The following ATXN1 variants were observed in gnomAD, a reference collection of about 807,000 sequenced individuals.
ATXN1 encodes the protein ataxin-1.
Under a neutral mutation model 56.4 loss-of-function variants are expected in ATXN1, and 8 were observed. That is an observed-to-expected ratio of 0.14 (90% CI 0.08 to 0.26). The LOEUF (loss-of-function observed/expected upper bound fraction) is 0.26, where lower values mean the gene tolerates loss of function less well. Ranked by LOEUF, ATXN1 falls within the 10% of genes least tolerant of loss-of-function variation. The pLI is 1.00. For synonymous variants in ATXN1, 514 were observed against 494.6 expected, an observed-to-expected ratio of 1.04 and a Z score of -0.52; for missense variants, 987 against 1,106.5, an observed-to-expected ratio of 0.89 and a Z score of 1.53.
chr6:16,427,576 C>T (rs1759183945), intron 6 of ATXN1, among the ~76,000 whole-genome samples: 2 of 152,194 alleles, frequency 1.3e-5, no homozygotes, highest in Admixed American at 1.3e-4. Flanking sequence ...TTTTTCCACA[C>T]TTTCATTTGC....
intron 2 of ATXN1, among the ~76,000 whole-genome samples, chr6:16,698,726 A>C (rs918187548): frequency 2.0e-5 from 3 of 151,752 alleles, no homozygotes; most frequent in East Asian, 3.9e-4. Context: ...TTAAATTAGG[A>C]GTCTGGAGTC....
chr6:16,716,129 G>A (rs565811646), intron 2 of ATXN1, among the ~76,000 whole-genome samples: 1 of 152,292 alleles, frequency 6.6e-6, no homozygotes, highest in African/African-American at 2.4e-5. Context: ...ACACACTACA[G>A]ATAAAATGAC....
At chr6:16,350,569 A>G (rs370528464) in intron 6 of ATXN1, among the ~76,000 whole-genome samples, 1 of 152,172 alleles carries the variant, frequency 6.6e-6, no homozygotes, top group Non-Finnish European at 1.5e-5. Flanking sequence ...GTCTTTCTTC[A>G]AAATGTCTCA....
rs574652619 is a variant in ATXN1 at position 16,640,925 on chromosome 6, A to G, written c.-489+16851T>C. ...TAAGGAAAAGTTCTTGAAGAAAATTAAAAGTGCTACTCCAGTGAACTCATC... is the reference window on the plus strand; with the variant it reads ...TAAGGAAAAGTTCTTGAAGAAAATTGAAAGTGCTACTCCAGTGAACTCATC... On this transcript the variant is annotated intron_variant, in intron 3 of 7. Coordinates refer to ENST00000436367, the MANE Select transcript of ATXN1 (RefSeq NM_001128164.2). 2.6e-5 allele frequency among the ~76,000 whole-genome samples: 4 copies of G among 152,236 alleles called. No individual in the cohort carries two copies. In the South Asian group the frequency reaches 6.2e-4, roughly 24 times the overall value.
chr6:16,447,094 C>T (rs1759651227), intron 6 of ATXN1, among the ~76,000 whole-genome samples: 1 of 152,182 alleles, frequency 6.6e-6, no homozygotes, highest in Non-Finnish European at 1.5e-5. Context: ...TAGTGCTTAT[C>T]ACTAGAAGCC....
At chr6:16,673,284 A>G (rs1758586118) in intron 2 of ATXN1, among the ~76,000 whole-genome samples, 1 of 152,242 alleles carries the variant, frequency 6.6e-6, no homozygotes, top group Admixed American at 6.5e-5. Context: ...CACAAAGGCC[A>G]TGGCCCAGCC....
intron 7 of ATXN1, among the ~76,000 whole-genome samples, chr6:16,316,001 G>C (rs899745663): frequency 6.6e-6 from 1 of 152,126 alleles, no homozygotes; most frequent in African/African-American, 2.4e-5. Context: ...CTTTATACCA[G>C]GGATCCCCAA....
At chr6:16,719,623 T>C (rs1759707148) in intron 2 of ATXN1, among the ~76,000 whole-genome samples, 1 of 152,116 alleles carries the variant, frequency 6.6e-6, no homozygotes, top group African/African-American at 2.4e-5. Context: ...CCATGACAGC[T>C]GAGATAGGCT....
At chr6:16,459,854 G>A (rs1759954596) in intron 6 of ATXN1, among the ~76,000 whole-genome samples, 1 of 152,180 alleles carries the variant, frequency 6.6e-6, no homozygotes, top group Non-Finnish European at 1.5e-5. Flanking sequence ...CTTCATGCCA[G>A]CAGGCTACTC....
chr6:16,430,372 G>A (rs932772970), intron 6 of ATXN1, among the ~76,000 whole-genome samples: 9 of 151,946 alleles, frequency 5.9e-5, no homozygotes, highest in Non-Finnish European at 1.2e-4. Flanking sequence ...AAAGAACACC[G>A]TACTGCGACC....
intron 6 of ATXN1, among the ~76,000 whole-genome samples, chr6:16,381,544 T>G (rs1758115433): frequency 6.6e-6 from 1 of 152,212 alleles, no homozygotes; most frequent in Non-Finnish European, 1.5e-5. Context: ...TGGAAAAATA[T>G]TACAGGCATA....
chr6:16,651,988 T>C lies in ATXN1; in HGVS notation c.-489+5788A>G, dbSNP rs185332306. ...TGTCACTAAAGAAGGGGACCTACCA[T>C]GTAAATCAGCATCTGTTTTGATGAT... On this transcript the variant is annotated intron_variant, in intron 3 of 7. Transcript: ENST00000436367. 29 of 152,366 alleles carry C rather than the reference T, an allele frequency of 1.9e-4. 1 individual carries two copies. The highest frequency in any genetic ancestry group is 7.0e-4 in the African/African-American group (29 of 41,594). The allele number at this position is 152,366 out of a possible 1,614,324, so 9.4% of individuals were successfully genotyped here. A position where few individuals can be genotyped will look rare whatever the true frequency, so the allele number is the denominator to read the frequency against.
At chr6:16,663,964 C>G (rs1458552295) in intron 2 of ATXN1, among the ~76,000 whole-genome samples, 1 of 152,166 alleles carries the variant, frequency 6.6e-6, no homozygotes, top group Non-Finnish European at 1.5e-5. Flanking sequence ...AAACCCACTG[C>G]CATTTCTAAA....
intron 3 of ATXN1, among the ~76,000 whole-genome samples, chr6:16,610,168 T>A (rs1231791845): frequency 6.6e-6 from 1 of 152,070 alleles, no homozygotes; most frequent in Non-Finnish European, 1.5e-5. Context: ...ATAGCATGAT[T>A]GATGCATAGT....
At chr6:16,319,806 C>A (rs763912033) in intron 7 of ATXN1, among the ~76,000 whole-genome samples, 1 of 151,464 alleles carries the variant, frequency 6.6e-6, no homozygotes, top group Admixed American at 6.6e-5. Context: ...TAAGATGACC[C>A]AGTTGGGGGC....
At chr6:16,621,699 C>T (rs1763323740) in intron 3 of ATXN1, among the ~76,000 whole-genome samples, 1 of 152,036 alleles carries the variant, frequency 6.6e-6, no homozygotes, top group South Asian at 2.1e-4. Context: ...GGAGACAGAG[C>T]GAGATTCCAT....
chr6:16,472,150 C>T (rs1760232566), intron 6 of ATXN1, among the ~76,000 whole-genome samples: 1 of 152,136 alleles, frequency 6.6e-6, no homozygotes, highest in Non-Finnish European at 1.5e-5. Context: ...ACGCAGGTGG[C>T]AGCATATGCA....
In ATXN1 at chr6:16,326,451, G is replaced by A; in HGVS notation, c.1860C>T (p.Asp620=). ...IDSSTVERIE[D]SHSPGVAVIQ... is the part of the protein sequence containing the mutation. ...TCACGGCCACGCCCGGGCTATGGCT[G>A]TCTTCAATCCTCTCTACGGTGCTGG... Residue 620 remains aspartate (D), a synonymous_variant, in exon 7 of 8, where the codon GAC becomes GAT. Transcript: ENST00000436367. The surrounding 1 kb of genome is among the most constrained non-coding windows in gnomAD (Gnocchi z 6.6). 1 of 1,614,150 alleles carries A rather than the reference G, an allele frequency of 6.2e-7. No homozygotes were observed. The highest frequency in any genetic ancestry group is 8.5e-7 in the Non-Finnish European group (1 of 1,180,024).
chr6:16,759,535 T>G (rs900832151), intron 1 of ATXN1, among the ~76,000 whole-genome samples: 7 of 141,396 alleles, frequency 5.0e-5, no homozygotes, highest in East Asian at 2.0e-4. Flanking sequence ...CGACTGTTTT[T>G]TTTTTTTTTT....
Sources: gnomAD v4.1 joint callset for allele counts (sites outside exome capture counted in the v4.1 genomes callset) on GRCh38, gnomAD v4.1.1 for gene constraint, Gnocchi (gnomAD v3.1) non-coding constraint, MANE v1.5 for transcripts, NCBI Gene and HGNC (gene_info 2026-07-23, HGNC 2026-07-21) for gene names.